CCNH: variants seen among roughly 807,000 people sequenced by gnomAD.
CCNH encodes cyclin-H.
CCNH carries 31 observed loss-of-function variants against 41.9 expected under a neutral mutation model. The ratio of observed to expected loss-of-function variants is 0.74; its 90% CI spans 0.56 to 1.00. The LOEUF (loss-of-function observed/expected upper bound fraction) is 1.00. Ranked by LOEUF, CCNH falls within the 50% of genes least tolerant of loss-of-function variation. CCNH has a pLI of 0.00. For synonymous variants in CCNH, 138 were observed against 136.1 expected, an observed-to-expected ratio of 1.01 and a Z score of -0.10; for missense variants, 362 against 388.4, an observed-to-expected ratio of 0.93 and a Z score of 0.57.
At chr5:87,360,129 T>G (rs1226140795) in intron 9 of CCNH, among the ~76,000 whole-genome samples, 36 of 151,698 alleles carry the variant, frequency 2.4e-4, no homozygotes, top group African/African-American at 5.6e-4. Flanking sequence ...ATGCAGTTTT[T>G]TTTTTTTTTT....
At chr5:87,396,609 G>C in intron 7 of CCNH, among the ~76,000 whole-genome samples, 1 of 152,028 alleles carries the variant, frequency 6.6e-6, no homozygotes, top group East Asian at 1.9e-4. Flanking sequence ...GACACAGCAA[G>C]ACTCCATCTC....
At chr5:87,394,570 T>C in intron 8 of CCNH, 86 bp from the exon 9 acceptor site, 1 of 1,589,036 alleles carries the variant, frequency 6.3e-7, no homozygotes, top group South Asian at 1.2e-5. Context: ...GAAAATGTTC[T>C]CCTCCTTTTA....
Position 87,394,304 on chromosome 5 carries a change from T to G in CCNH, c.*142A>C. 1 of 1,361,738 alleles carries G rather than the reference T, an allele frequency of 7.3e-7. No homozygotes were observed. Among genetic ancestry groups the G allele is most frequent in the Non-Finnish European group, 9.5e-7 (1 of 1,050,708 alleles). The allele number at this position is 1,361,738 out of a possible 1,614,324, so 84.4% of individuals were successfully genotyped here. A position where few individuals can be genotyped will look rare whatever the true frequency, so the allele number is the denominator to read the frequency against. Reference sequence around the variant, plus strand: ...TGAAGATGGTTTATTTTACATAAAGTTACTGTGAAAGGGAAAGAAAACAAT... The same window carrying G: ...TGAAGATGGTTTATTTTACATAAAGGTACTGTGAAAGGGAAAGAAAACAAT... On this transcript the variant is annotated 3_prime_UTR_variant, in exon 9 of 9. Transcript: ENST00000256897.
chr5:87,364,364 A>T (rs556284363), intron 9 of CCNH, among the ~76,000 whole-genome samples: 11 of 152,270 alleles, frequency 7.2e-5, no homozygotes, highest in Admixed American at 5.9e-4. Context: ...ACAGTTTTTT[A>T]AAATGATCAA....
chr5:87,341,257 A>C (rs1414536649), intron 9 of CCNH: 4 of 1,210,190 alleles, frequency 3.3e-6, no homozygotes, highest in Non-Finnish European at 3.2e-6. Flanking sequence ...ATAGTTAATT[A>C]TATAAAATAC....
intron 9 of CCNH, among the ~76,000 whole-genome samples, chr5:87,368,990 T>G (rs1276096478): frequency 6.6e-6 from 1 of 152,230 alleles, no homozygotes; most frequent in African/African-American, 2.4e-5. Context: ...TTTCCATGAT[T>G]ACTTTTAAGA....
chr5:87,391,155 C>A, downstream of CCNH: 1 of 560,240 alleles, frequency 1.8e-6, no homozygotes, highest in Non-Finnish European at 3.2e-6. Flanking sequence ...TTTCACAAAA[C>A]GAAATGCTAT....
At chr5:87,371,978 A>C (rs1179687178), downstream of CCNH, 6 of 584,056 alleles carry the variant, frequency 1.0e-5, no homozygotes, top group Non-Finnish European at 3.0e-6. Context: ...TATTGTTATG[A>C]AGTACAGTAT....
intron 9 of CCNH, among the ~76,000 whole-genome samples, chr5:87,342,264 A>G (rs1216231610): frequency 1.3e-5 from 2 of 151,104 alleles, no homozygotes; most frequent in African/African-American, 4.9e-5. Flanking sequence ...GATTCAAACG[A>G]TTCTCTGCCT....
chr5:87,343,753 A>C (rs966518691), intron 9 of CCNH, among the ~76,000 whole-genome samples: 1 of 152,202 alleles, frequency 6.6e-6, no homozygotes, highest in Non-Finnish European at 1.5e-5. Context: ...CAGTGTATCA[A>C]AGAGACAGCT....
At chr5:87,367,136 CTT>C (rs1760586758) in intron 9 of CCNH, among the ~76,000 whole-genome samples, 2 of 152,010 alleles carry the variant, frequency 1.3e-5, no homozygotes, top group Admixed American at 1.3e-4. Flanking sequence ...TAGAGAAGCA[CTT>C]AGTGAGAAAG....
intron 9 of CCNH, among the ~76,000 whole-genome samples, chr5:87,335,018 AATTAC>A (rs1757863152): frequency 6.6e-6 from 1 of 151,980 alleles, no homozygotes; most frequent in South Asian, 2.1e-4. Flanking sequence ...GAGCAGCTGG[AATTAC>A]AGGCGTGTGT....
the CCNH span, among the ~76,000 whole-genome samples, chr5:87,311,876 C>T: frequency 1.6e-3 from 241 of 152,308 alleles, 1 homozygote; most frequent in Middle Eastern, 6.8e-3. Flanking sequence ...TAAACAAAGG[C>T]ACTCTTATTA....
chr5:87,355,860 C>G lies in CCNH; in HGVS notation c.*90+36910G>C, dbSNP rs143847694. 1.5e-4 allele frequency among the ~76,000 whole-genome samples: 23 copies of G among 152,224 alleles called. No individual in the cohort carries two copies. In the East Asian group the frequency reaches 4.1e-3, roughly 27 times the overall value. ...CTCTTTTGGATAACTTTGAGGGGCT[C>G]AAGACTACAAGATGACTTTGAGGAG... On this transcript the variant is annotated intron_variant and NMD_transcript_variant, in intron 9 of 9. Transcript: ENST00000645953.
Position 87,395,121 on chromosome 5 carries a change from A to G in CCNH, c.873-17T>C, listed in dbSNP as rs1762831843. On this transcript the variant is annotated splice_polypyrimidine_tract_variant and intron_variant, in intron 7 of 8. Transcript: ENST00000256897. ...CTCTTCTTCCTATAATTAAGCAACT[A>G]TCAATAAGCAATCCAATACCAGCCA... 6.2e-7 allele frequency: 1 copy of G among 1,603,902 alleles called. No individual in the cohort carries two copies. Among genetic ancestry groups the G allele is most frequent in the East Asian group, 2.2e-5 (1 of 44,692 alleles).
intron 9 of CCNH, chr5:87,385,213 A>G: frequency 1.1e-6 from 1 of 872,862 alleles, no homozygotes; most frequent in Non-Finnish European, 1.9e-6. Flanking sequence ...TTTAACAGTA[A>G]AGAAATATTA....
intron 9 of CCNH, among the ~76,000 whole-genome samples, chr5:87,364,780 C>A (rs1760380827): frequency 6.6e-6 from 1 of 152,080 alleles, no homozygotes; most frequent in Non-Finnish European, 1.5e-5. Context: ...AGCATTCACT[C>A]CCATAATTAT....
At chr5:87,364,047 T>G (rs1760319727) in intron 9 of CCNH, among the ~76,000 whole-genome samples, 1 of 152,160 alleles carries the variant, frequency 6.6e-6, no homozygotes. Flanking sequence ...TGATTACATC[T>G]AGATTTTTTT....
In CCNH at chr5:87,412,761, T is replaced by A. The variant is rs756919605; in HGVS notation, c.34A>T (p.Thr12Ser). Reference sequence around the variant, plus strand: ...GCCAGCTGCTCCTCGCTGGAGAAGGTCCAGTGCCGCTTCTGACTACTGTTG... The same window carrying A: ...GCCAGCTGCTCCTCGCTGGAGAAGGACCAGTGCCGCTTCTGACTACTGTTG... Reference protein sequence around the residue: ...YHNSSQKRHWTFSSEEQLARL... With the variant: ...YHNSSQKRHWSFSSEEQLARL... The change falls in exon 1 of 9, where the codon ACC becomes TCC. Residue 12 changes from threonine (T) to serine (S), a missense_variant. Thr to Ser is a moderately conservative substitution (Grantham distance 58, BLOSUM62 1). Transcript: ENST00000256897. 1 of 1,614,170 alleles carries A rather than the reference T, an allele frequency of 6.2e-7. No homozygotes were observed. Among genetic ancestry groups the A allele is most frequent in the Non-Finnish European group, 8.5e-7 (1 of 1,180,018 alleles).
Sources: allele counts gnomAD v4.1 joint callset (sites outside exome capture counted in the v4.1 genomes callset), GRCh38; gene constraint gnomAD v4.1.1; transcripts MANE v1.5; gene names NCBI Gene and HGNC (gene_info 2026-07-23, HGNC 2026-07-21).